TMEM132D: variants seen among roughly 807,000 people sequenced by gnomAD.
TMEM132D encodes mature OL transmembrane protein.
A neutral mutation model predicts 62.3 loss-of-function variants in TMEM132D; 21 were observed. The observed-to-expected ratio is 0.34, with a 90% CI of 0.24 to 0.49. The LOEUF (loss-of-function observed/expected upper bound fraction) is 0.49, where lower values mean the gene tolerates loss of function less well. TMEM132D is among the 20% of genes least tolerant of loss of function. The pLI, the probability that TMEM132D is intolerant of heterozygous loss-of-function variation, is 0.99. For synonymous variants in TMEM132D, 621 were observed against 575.6 expected (o/e 1.08, Z -1.13); for missense variants, 1,346 against 1,402.8 (o/e 0.96, Z 0.65).
chr12:129,890,806 A>C (rs1874899122), intron 1 of TMEM132D, among the ~76,000 whole-genome samples: 2 of 152,160 alleles, frequency 1.3e-5, no homozygotes, highest in South Asian at 4.2e-4. Context: ...TATTACGTTT[A>C]TAATTTGTCC....
intron 1 of TMEM132D, among the ~76,000 whole-genome samples, chr12:129,890,954 G>C (rs577546620): frequency 9.2e-5 from 14 of 152,240 alleles, no homozygotes; most frequent in African/African-American, 3.4e-4. Flanking sequence ...GGCAGCAGGG[G>C]CCTCCCGAAT....
chr12:129,628,171 T>C (rs1443358615), intron 2 of TMEM132D, among the ~76,000 whole-genome samples: 1 of 152,210 alleles, frequency 6.6e-6, no homozygotes, highest in African/African-American at 2.4e-5. Flanking sequence ...AAGTAATGAA[T>C]ATTTAACAAG....
chr12:129,151,100 G>C (rs999997793), intron 5 of TMEM132D, among the ~76,000 whole-genome samples: 5 of 152,146 alleles, frequency 3.3e-5, no homozygotes, highest in African/African-American at 1.2e-4. Flanking sequence ...GACTTCACGA[G>C]GCACATCCAC....
intron 2 of TMEM132D, among the ~76,000 whole-genome samples, chr12:129,536,649 TA>T (rs1876398879): frequency 6.6e-6 from 1 of 152,180 alleles, no homozygotes; most frequent in African/African-American, 2.4e-5. Context: ...CCACTGTCAG[TA>T]TTTTAGGAAT....
At chr12:129,098,134 C>G (rs1248268054) in intron 5 of TMEM132D, among the ~76,000 whole-genome samples, 1 of 152,186 alleles carries the variant, frequency 6.6e-6, no homozygotes, top group East Asian at 1.9e-4. Flanking sequence ...TGACGTGACT[C>G]AAGTTCAAGA....
intron 2 of TMEM132D, among the ~76,000 whole-genome samples, chr12:129,652,596 G>A (rs1345176794): frequency 6.6e-6 from 1 of 152,222 alleles, no homozygotes; most frequent in Admixed American, 6.5e-5. Flanking sequence ...TTAGGATGCA[G>A]GAAGGGGCCA....
At chr12:129,647,091 C>T (rs544564258) in intron 2 of TMEM132D, among the ~76,000 whole-genome samples, 6 of 133,636 alleles carry the variant, frequency 4.5e-5, no homozygotes, top group South Asian at 2.7e-4. Context: ...TGAGCCACTG[C>T]GCCCAACCAC....
intron 3 of TMEM132D, among the ~76,000 whole-genome samples, chr12:129,396,272 G>A (rs1871427687): frequency 6.6e-6 from 1 of 152,120 alleles, no homozygotes; most frequent in Non-Finnish European, 1.5e-5. Flanking sequence ...TGGGATTGGA[G>A]ATGATGGTTG....
chr12:129,161,716 G>T (rs1473141431), intron 5 of TMEM132D, among the ~76,000 whole-genome samples: 2 of 152,144 alleles, frequency 1.3e-5, no homozygotes, highest in Admixed American at 1.3e-4. Context: ...GTAGCCACAG[G>T]CCCCCTGGAG....
At chr12:129,570,762 A>C (rs1312248294) in intron 2 of TMEM132D, among the ~76,000 whole-genome samples, 1 of 152,202 alleles carries the variant, frequency 6.6e-6, no homozygotes, top group Non-Finnish European at 1.5e-5. Flanking sequence ...TTATTTCTGA[A>C]ATATTCAATT....
chr12:129,354,123 C>T (rs563338520), intron 3 of TMEM132D, among the ~76,000 whole-genome samples: 1 of 152,028 alleles, frequency 6.6e-6, no homozygotes, highest in African/African-American at 2.4e-5. Context: ...AGCCCAGGCA[C>T]AGACAAGGAC....
intron 4 of TMEM132D, among the ~76,000 whole-genome samples, chr12:129,270,725 T>G (rs12301688): frequency 0.11 from 17,352 of 152,222 alleles, 1,423 homozygotes; most frequent in East Asian, 0.36. Context: ...ACAAGAATTA[T>G]GCACTTTTTT....
chr12:129,190,105 G>A (rs1878342687), intron 5 of TMEM132D, among the ~76,000 whole-genome samples: 1 of 28,274 alleles, frequency 3.5e-5, no homozygotes, highest in Non-Finnish European at 9.3e-5. Flanking sequence ...GCTTGCAGAT[G>A]GAGGGAGGGG....
intron 5 of TMEM132D, among the ~76,000 whole-genome samples, chr12:129,129,384 A>G (rs147018433): frequency 7.5e-4 from 114 of 152,276 alleles, no homozygotes; most frequent in African/African-American, 2.7e-3. Context: ...TCTTTATCCA[A>G]TCCACTGTTG....
At chr12:129,764,632 G>A (rs1216215337) in intron 1 of TMEM132D, among the ~76,000 whole-genome samples, 4 of 152,068 alleles carry the variant, frequency 2.6e-5, no homozygotes, top group Admixed American at 6.5e-5. Flanking sequence ...AGAAAACTCT[G>A]TTCATTGCCT....
At chr12:129,317,003 C>T (rs1868509270) in intron 4 of TMEM132D, among the ~76,000 whole-genome samples, 1 of 152,098 alleles carries the variant, frequency 6.6e-6, no homozygotes, top group Non-Finnish European at 1.5e-5. Context: ...TATGACACTC[C>T]TTTACTTTAA....
intron 5 of TMEM132D, among the ~76,000 whole-genome samples, chr12:129,143,769 T>A (rs1376882519): frequency 6.6e-6 from 1 of 152,188 alleles, no homozygotes; most frequent in Non-Finnish European, 1.5e-5. Flanking sequence ...TTCTGAGTTC[T>A]GGGTAGCACA....
intron 3 of TMEM132D, among the ~76,000 whole-genome samples, chr12:129,357,146 C>G (rs896084368): frequency 4.6e-5 from 7 of 150,868 alleles, no homozygotes; most frequent in Non-Finnish European, 7.4e-5. Context: ...ACTTGGGAGG[C>G]TGAGGCAGGA....
At chr12:129,094,351 C>T (rs1394545008) in intron 5 of TMEM132D, among the ~76,000 whole-genome samples, 2 of 152,098 alleles carry the variant, frequency 1.3e-5, no homozygotes, top group African/African-American at 2.4e-5. Context: ...ATCAAACAAC[C>T]CCATGAAAAA....
Sources: gnomAD v4.1 joint callset for allele counts (sites outside exome capture counted in the v4.1 genomes callset) on GRCh38, gnomAD v4.1.1 for gene constraint, MANE v1.5 for transcripts, NCBI Gene and HGNC (gene_info 2026-07-23, HGNC 2026-07-21) for gene names.